ATM: variants seen among roughly 807,000 people sequenced by gnomAD.
ATM encodes ATM serine/threonine kinase.
Under a neutral mutation model 387.0 loss-of-function variants are expected in ATM, and 308 were observed. The observed-to-expected ratio is 0.80, with a 90% CI of 0.73 to 0.87. The LOEUF (loss-of-function observed/expected upper bound fraction) is 0.87. Among genes scored for constraint, ATM ranks in the 40% least tolerant of loss-of-function variants. The pLI, the probability that ATM is intolerant of heterozygous loss-of-function variation, is 0.00. For synonymous variants in ATM, 1,156 were observed against 1,187.3 expected (o/e 0.97, Z 0.54); for missense variants, 3,312 against 3,560.9 (o/e 0.93, Z 1.78).
At chr11:108,277,722 C>T (rs753493979) in intron 22 of ATM, among the ~76,000 whole-genome samples, 1 of 152,168 alleles carries the variant, frequency 6.6e-6, no homozygotes. Flanking sequence ...CACTGTCTAA[C>T]CAGTCCCAAT....
Position 108,253,859 on chromosome 11 carries a change from A to G in ATM, c.1944A>G (p.Val648=), listed in dbSNP as rs1555073161. 4.3e-6 allele frequency: 7 copies of G among 1,613,968 alleles called. No individual in the cohort carries two copies. The highest frequency in any genetic ancestry group is 4.2e-6 in the Non-Finnish European group (5 of 1,179,906). ...AAGAAGAACTTTCATTCTCAGAAGTAGAAGAACTATTTCTTCAGACAACTT... is the reference window on the plus strand; with the variant it reads ...AAGAAGAACTTTCATTCTCAGAAGTGGAAGAACTATTTCTTCAGACAACTT... The part of the protein sequence containing the change: ...KDKEELSFSE[V]EELFLQTTFD... The change falls in exon 13 of 63, where the codon GTA becomes GTG. Residue 648 remains valine (V), a synonymous_variant. Coordinates refer to ENST00000675843, the MANE Select transcript of ATM (RefSeq NM_000051.4).
Position 108,227,716 on chromosome 11 carries a change from C to T in ATM, c.72+20C>T, listed in dbSNP as rs1555053997. On this transcript the variant is annotated intron_variant, in intron 2 of 62. Coordinates refer to ENST00000675843, the MANE Select transcript of ATM (RefSeq NM_000051.4). Reference sequence around the variant, plus strand: ...CGAAAGGTAGTAAATTACTTAAATTCAATTTTTCCTTGAAATAAGTGTGAT... The same window carrying T: ...CGAAAGGTAGTAAATTACTTAAATTTAATTTTTCCTTGAAATAAGTGTGAT... 2.5e-6 allele frequency: 4 copies of T among 1,597,350 alleles called. No homozygotes were observed. The highest frequency in any genetic ancestry group is 3.4e-6 in the Non-Finnish European group (4 of 1,171,704).
At chr11:108,246,450 T>A (rs1264603435) in intron 7 of ATM, among the ~76,000 whole-genome samples, 1 of 152,162 alleles carries the variant, frequency 6.6e-6, no homozygotes, top group Non-Finnish European at 1.5e-5. Flanking sequence ...ATAATAGACC[T>A]TTTGTTTCGC....
rs587782655 is a variant in ATM at position 108,303,007 on chromosome 11, A to G, written c.5474A>G (p.Gln1825Arg). The stretch of plus-strand genomic sequence containing the variant: ...GGAGGCACAAAATGTGAAATTCTTC[A>G]ATTATTAAAGCCAATGTGTGAAGTA... Reference protein sequence around the residue: ...DSGGTKCEILQLLKPMCEVKT... With the variant: ...DSGGTKCEILRLLKPMCEVKT... Residue 1825 changes from glutamine (Q) to arginine (R), a missense_variant, in exon 36 of 63, where the codon CAA becomes CGA. Gln to Arg is a conservative substitution (Grantham distance 43). Transcript: ENST00000675843. 1 of 1,613,098 alleles carries G rather than the reference A, an allele frequency of 6.2e-7. No homozygotes were observed. Among genetic ancestry groups the G allele is most frequent in the East Asian group, 2.2e-5 (1 of 44,794 alleles).
chr11:108,348,582 AATG>A (rs1179748932), intron 59 of ATM, among the ~76,000 whole-genome samples: 1 of 152,000 alleles, frequency 6.6e-6, no homozygotes, highest in African/African-American at 2.4e-5. Flanking sequence ...GTGTGAATGT[AATG>A]TAAAGAAGTG....
At chr11:108,288,198 C>T (rs2082597582) in intron 27 of ATM, among the ~76,000 whole-genome samples, 1 of 151,894 alleles carries the variant, frequency 6.6e-6, no homozygotes, top group Non-Finnish European at 1.5e-5. Context: ...CTCAGCCTCT[C>T]GAGTAGCTGG....
At chr11:108,251,580 T>C (rs900538429) in intron 10 of ATM, among the ~76,000 whole-genome samples, 1 of 152,234 alleles carries the variant, frequency 6.6e-6, no homozygotes, top group African/African-American at 2.4e-5. Flanking sequence ...TAAAGAATTA[T>C]GAAGAGTTTA....
intron 52 of ATM, 43 bp downstream of exon 52, chr11:108,332,080 C>A (rs2136533413): frequency 6.2e-7 from 1 of 1,603,760 alleles, no homozygotes; most frequent in South Asian, 1.1e-5. Context: ...GTGTGATATT[C>A]AGTCTTTCCT....
chr11:108,303,172 G>T, intron 36 of ATM, 143 bp downstream of exon 36: 2 of 910,800 alleles, frequency 2.2e-6, no homozygotes, highest in Non-Finnish European at 3.3e-6. Flanking sequence ...TCCGTATTTA[G>T]TCATAACTTT....
intron 61 of ATM, among the ~76,000 whole-genome samples, chr11:108,363,247 T>G (rs938728838): frequency 1.2e-4 from 19 of 152,186 alleles, no homozygotes; most frequent in South Asian, 2.1e-4. Context: ...TTTTCTTCTC[T>G]TAGATTTCAT....
At chr11:108,296,894 T>C (rs981399286) in intron 32 of ATM, 1 of 270,716 alleles carries the variant, frequency 3.7e-6, no homozygotes, top group African/African-American at 2.2e-5. Flanking sequence ...ATTTCCATCA[T>C]TGCAGAAAGT....
rs775767808 is a variant in ATM, at chr11:108,248,946, A to G, written c.1079A>G (p.Asp360Gly). ...ADICHQVFNE[D>G]TRSLEISQSY... ...TTTATTTTACAGGTTTTTAATGAAG[A>G]TACCAGATCCTTGGAGATTTCTCAA... Residue 360 changes from aspartate (D) to glycine (G), a missense_variant, in exon 9 of 63, where the codon GAT (aspartate) becomes GGT (glycine). Physicochemically the swap from Asp to Gly is moderately conservative, Grantham distance 94 (BLOSUM62 -1). This residue lies in a region of ATM where 1,791 missense variants were observed against 1,804.5 expected (regional missense o/e 0.99). Transcript: ENST00000675843. 3 of 1,607,056 alleles carry G rather than the reference A, an allele frequency of 1.9e-6. No homozygotes were observed. In the African/African-American group the frequency reaches 4.0e-5, roughly 22 times the overall value.
At chr11:108,287,747 C>T in intron 27 of ATM, 32 bp downstream of exon 27, 1 of 1,453,472 alleles carries the variant, frequency 6.9e-7, no homozygotes, top group East Asian at 2.3e-5. Context: ...AGAACTAGCT[C>T]TAACTTCACA....
rs576458757 is a variant in ATM, at chr11:108,337,221, C to A, written c.8268+1260C>A. On this transcript the variant is annotated intron_variant, in intron 56 of 62. Coordinates refer to ENST00000675843, the MANE Select transcript of ATM (RefSeq NM_000051.4). ...TAAAACTTATTGGTTGGGAGAGGGGCATACTGTTCATTAAGGAAAGCACAA... is the reference window on the plus strand; with the variant it reads ...TAAAACTTATTGGTTGGGAGAGGGGAATACTGTTCATTAAGGAAAGCACAA... 2.6e-5 allele frequency among the ~76,000 whole-genome samples: 4 copies of A among 152,242 alleles called. No homozygotes were observed. In the South Asian group the frequency reaches 6.2e-4, roughly 24 times the overall value.
At chr11:108,293,890 AAAAAATATATATATATAT>A (rs892113228) in intron 31 of ATM, among the ~76,000 whole-genome samples, 1 of 110,190 alleles carries the variant, frequency 9.1e-6, no homozygotes, top group African/African-American at 3.2e-5. Flanking sequence ...AAAAAAAAAA[AAAAAATATATATATATAT>A]ATATATATAT....
intron 47 of ATM, 98 bp downstream of exon 47, chr11:108,326,323 T>G: frequency 7.1e-7 from 1 of 1,417,530 alleles, no homozygotes; most frequent in Non-Finnish European, 9.6e-7. Context: ...ATTAGAGCCT[T>G]GAAATTAGTA....
Position 108,366,023 on chromosome 11 carries a change from C to T in ATM, c.*515C>T, listed in dbSNP as rs570607598. 2.0e-4 allele frequency: 29 copies of T among 146,196 alleles called. No homozygotes were observed. In the East Asian group the frequency reaches 3.0e-3, roughly 15 times the overall value. 9.1% of individuals were successfully genotyped at this position (146,196 alleles called of 1,614,324 possible). A position where few individuals can be genotyped will look rare whatever the true frequency, so the allele number is the denominator to read the frequency against. On this transcript the variant is annotated 3_prime_UTR_variant, in exon 63 of 63. Coordinates refer to ENST00000675843, the MANE Select transcript of ATM (RefSeq NM_000051.4). ...CAGCCTGGGTGACAAGAGCGAAACT[C>T]CATCTCAAAAAAAAAAAAAAAAAAA...
intron 40 of ATM, among the ~76,000 whole-genome samples, chr11:108,315,160 G>A (rs180987555): frequency 6.6e-6 from 1 of 152,200 alleles, no homozygotes; most frequent in Non-Finnish European, 1.5e-5. Context: ...AACTGCTCAT[G>A]TGGAAATTAT....
chr11:108,305,692 C>T (rs1439681440), intron 37 of ATM, among the ~76,000 whole-genome samples: 1 of 152,154 alleles, frequency 6.6e-6, no homozygotes, highest in Non-Finnish European at 1.5e-5. Context: ...TTATAACCTA[C>T]TTTCCTTCTA....
Sources: gnomAD v4.1 joint callset for allele counts (sites outside exome capture counted in the v4.1 genomes callset) on GRCh38, gnomAD v4.1.1 for gene constraint, gnomAD v4.1.1 regional missense constraint, MANE v1.5 for transcripts, NCBI Gene and HGNC (gene_info 2026-07-23, HGNC 2026-07-21) for gene names.